The following LRRC57 variants were observed in gnomAD, a reference collection of about 807,000 sequenced individuals.
The protein encoded by LRRC57 is leucine-rich repeat-containing protein 57.
LRRC57 carries 14 observed loss-of-function variants against 23.1 expected under a neutral mutation model. The ratio of observed to expected loss-of-function variants is 0.61; its 90% CI spans 0.40 to 0.95. The LOEUF is 0.95. Ranked by LOEUF, LRRC57 falls within the 40% of genes least tolerant of loss-of-function variation. The probability of loss-of-function intolerance (pLI) is 0.00; values close to 1 mark genes in which losing one functional copy is unlikely to be tolerated. For missense variants in LRRC57, 236 were observed against 284.4 expected, an observed-to-expected ratio of 0.83 and a Z score of 1.22; for synonymous variants, 106 against 115.2, an observed-to-expected ratio of 0.92 and a Z score of 0.51.
the LRRC57 span, among the ~76,000 whole-genome samples, chr15:42,528,767 G>T: frequency 6.6e-6 from 1 of 151,982 alleles, no homozygotes; most frequent in Non-Finnish European, 1.5e-5. Context: ...TGTATTTTTA[G>T]TAGAGACAGG....
At chr15:42,531,510 A>C in the LRRC57 span, 1 of 1,526,900 alleles carries the variant, frequency 6.5e-7, no homozygotes, top group Non-Finnish European at 9.0e-7. Flanking sequence ...TCATTTATTC[A>C]CTTCCGTAGC....
chr15:42,543,789 G>C lies in LRRC57; in HGVS notation c.*294C>G, dbSNP rs1199786810. ...GCACCCCCTCACCATATAAATAGCA[G>C]CTAGCTACTGGTTTCTTAAAGCCAA... On this transcript the variant is annotated 3_prime_UTR_variant, in exon 6 of 6. Coordinates refer to ENST00000397130, the MANE Select transcript of LRRC57 (RefSeq NM_153260.3). The C allele has an allele frequency of 6.5e-6, 2 of 308,432 alleles. No homozygotes were observed. The highest frequency in any genetic ancestry group is 1.2e-5 in the Non-Finnish European group (2 of 167,908). The allele number at this position is 308,432 out of a possible 1,614,324, so 19.1% of individuals were successfully genotyped here.
At chr15:42,531,327 G>GGT in the LRRC57 span, 1 of 786,282 alleles carries the variant, frequency 1.3e-6, no homozygotes, top group East Asian at 2.9e-5. Context: ...GGATTTTCTT[G>GGT]GTGTGTCAGT....
intron 4 of LRRC57, among the ~76,000 whole-genome samples, chr15:42,546,049 G>T (rs1318854162): frequency 6.6e-6 from 1 of 152,092 alleles, no homozygotes; most frequent in Admixed American, 6.6e-5. Context: ...TGTTCCTTTA[G>T]GCCCTCAAGC....
chr15:42,548,492 CA>C, intron 1 of LRRC57, 36 bp from the exon 2 acceptor site: 1 of 1,567,522 alleles, frequency 6.4e-7, no homozygotes, highest in South Asian at 1.1e-5. Context: ...CCGCCCAGTC[CA>C]CCCGGTCGGC....
chr15:42,547,301 C>G lies in LRRC57; in HGVS notation c.452G>C (p.Gly151Ala), dbSNP rs1170459345. The change falls in exon 4 of 6, where the codon GGA (glycine) becomes GCA (alanine). Residue 151 changes from glycine to alanine, a missense_variant. Transcript: ENST00000397130. ...GTTGAGTTCGATGACTTGCAGCTCT[C>G]CCACTGAGTCAGGTATACTTCGAAT... The part of the protein sequence containing the change: ...NQIRSIPDSV[G>A]ELQVIELNLN... 6.2e-7 allele frequency: 1 copy of G among 1,614,050 alleles called. No individual in the cohort carries two copies.
the LRRC57 span, among the ~76,000 whole-genome samples, chr15:42,528,924 G>A: frequency 1.3e-5 from 2 of 152,048 alleles, no homozygotes; most frequent in Admixed American, 6.6e-5. Flanking sequence ...CTTGGGTGAT[G>A]GAATTAACTT....
At chr15:42,529,211 C>A in the LRRC57 span, among the ~76,000 whole-genome samples, 2 of 152,188 alleles carry the variant, frequency 1.3e-5, no homozygotes, top group Admixed American at 6.5e-5. Context: ...TTTACAAAAT[C>A]ATATGGTGGC....
chr15:42,548,344 G>GT lies in LRRC57; in HGVS notation c.84+6dup. 6.2e-7 allele frequency: 1 copy of GT among 1,614,208 alleles called. No individual in the cohort carries two copies. ...AAGTTCCCTGGTCGTGTCCCTCCCA[G>GT]TCTCACCTCGGTCAGCCCTCGGTCC... On this transcript the variant is annotated splice_region_variant and intron_variant, in intron 2 of 5. Coordinates refer to ENST00000397130, the MANE Select transcript of LRRC57 (RefSeq NM_153260.3).
the LRRC57 span, chr15:42,531,584 G>A: frequency 2.5e-6 from 2 of 792,478 alleles, no homozygotes; most frequent in East Asian, 2.7e-5. Context: ...TTCTAATTGG[G>A]AGATAATATG....
At chr15:42,547,592 T>C in intron 3 of LRRC57, 63 bp from the exon 4 acceptor site, 1 of 1,470,658 alleles carries the variant, frequency 6.8e-7, no homozygotes, top group Non-Finnish European at 9.3e-7. Context: ...TTTGATGAAG[T>C]TTATAAAGAC....
downstream of LRRC57, among the ~76,000 whole-genome samples, chr15:42,537,228 C>G (rs2057604522): frequency 7.4e-6 from 1 of 134,384 alleles, no homozygotes; most frequent in Non-Finnish European, 1.6e-5. Flanking sequence ...CTCTCTCTCT[C>G]TCTCTCACAC....
rs1382156398 is a variant in LRRC57 at position 42,540,558 on chromosome 15, A to C, written c.*3525T>G. 1 of 152,166 alleles carries C rather than the reference A, an allele frequency of 6.6e-6. No homozygotes were observed. The highest frequency in any genetic ancestry group is 2.4e-5 in the African/African-American group (1 of 41,442). The allele number at this position is 152,166 out of a possible 1,614,324, so 9.4% of individuals were successfully genotyped here. ...GACAAGCTGTATAAAGGAGGTCAGA[A>C]AAGACTGCACTGTGGGTTTAGAGAG... On this transcript the variant is annotated 3_prime_UTR_variant, in exon 6 of 6. Coordinates refer to ENST00000397130, the MANE Select transcript of LRRC57 (RefSeq NM_153260.3).
At position 42,542,230 on chromosome 15, in the gene LRRC57, G is replaced by C. The variant is rs1490689608; in HGVS notation, c.*1853C>G. On this transcript the variant is annotated 3_prime_UTR_variant, in exon 6 of 6. Coordinates refer to ENST00000397130, the MANE Select transcript of LRRC57 (RefSeq NM_153260.3). ...CACCCAGCTAATTTTTGTATTTTTA[G>C]TAGAGATGGGGTATCACCACATTGG... 1 of 151,632 alleles carries C rather than the reference G, an allele frequency of 6.6e-6. No homozygotes were observed. Among genetic ancestry groups the C allele is most frequent in the East Asian group, 1.9e-4 (1 of 5,170 alleles). 9.4% of individuals were successfully genotyped at this position (151,632 alleles called of 1,614,324 possible).
intron 5 of LRRC57, 102 bp from the exon 6 acceptor site, chr15:42,544,226 T>C: frequency 2.3e-6 from 2 of 873,524 alleles, no homozygotes; most frequent in Non-Finnish European, 3.6e-6. Flanking sequence ...GCATGTGGTT[T>C]TTCATTTCCT....
rs1163118868 is a variant in LRRC57, at chr15:42,548,230, C to T, written c.99G>A (p.Leu33=). Reference sequence around the variant, plus strand: ...TCCTGAGATTGCTCGTCAGCTTCTGCAAGTCTGCGGGGAACTGGAGAAAGG... The same window carrying T: ...TCCTGAGATTGCTCGTCAGCTTCTGTAAGTCTGCGGGGAACTGGAGAAAGG... ...DRGLTEFPAD[L]QKLTSNLRTI... is the part of the protein sequence containing the mutation. The change falls in exon 3 of 6, where the codon TTG becomes TTA. Residue 33 remains leucine (L), a synonymous_variant. Coordinates refer to ENST00000397130, the MANE Select transcript of LRRC57 (RefSeq NM_153260.3). 1 of 1,614,222 alleles carries T rather than the reference C, an allele frequency of 6.2e-7. No individual in the cohort carries two copies. Among genetic ancestry groups the T allele is most frequent in the Non-Finnish European group, 8.5e-7 (1 of 1,180,044 alleles).
At chr15:42,529,837 C>A in the LRRC57 span, 1 of 1,608,652 alleles carries the variant, frequency 6.2e-7, no homozygotes. Flanking sequence ...CTTTTTATTG[C>A]CACAAGAAAA....
downstream of LRRC57, among the ~76,000 whole-genome samples, chr15:42,535,154 CCAT>C (rs1244774028): frequency 6.6e-6 from 1 of 152,238 alleles, no homozygotes; most frequent in African/African-American, 2.4e-5. Flanking sequence ...ACTGTAGCCA[CCAT>C]CATCATTATC....
the LRRC57 span, among the ~76,000 whole-genome samples, chr15:42,529,399 ATGT>A: frequency 6.6e-6 from 1 of 152,184 alleles, no homozygotes; most frequent in Non-Finnish European, 1.5e-5. Context: ...TAGCATTCTC[ATGT>A]CTAACAGCTT....
Sources: allele counts gnomAD v4.1 joint callset (sites outside exome capture counted in the v4.1 genomes callset), GRCh38; gene constraint gnomAD v4.1.1; transcripts MANE v1.5; gene names NCBI Gene and HGNC (gene_info 2026-07-23, HGNC 2026-07-21).